SYN3: variants seen among roughly 807,000 people sequenced by gnomAD.
The protein encoded by SYN3 is synapsin III.
SYN3 carries 35 observed loss-of-function variants against 65.8 expected under a neutral mutation model. That is an observed-to-expected ratio of 0.53 (90% CI 0.41 to 0.70). The LOEUF (loss-of-function observed/expected upper bound fraction) is 0.70. Among genes scored for constraint, SYN3 ranks in the 30% least tolerant of loss-of-function variants. The pLI, the probability that SYN3 is intolerant of heterozygous loss-of-function variation, is 0.00. For missense variants in SYN3, 680 were observed against 749.0 expected (o/e 0.91, Z 1.08); for synonymous variants, 270 against 292.9 (o/e 0.92, Z 0.80).
intron 6 of SYN3, among the ~76,000 whole-genome samples, chr22:32,655,594 C>T (rs922234659): frequency 6.6e-6 from 1 of 152,092 alleles, no homozygotes; most frequent in Non-Finnish European, 1.5e-5. Context: ...CTCATAGGAG[C>T]GTGGACCCTA....
chr22:32,681,627 G>A (rs2060523989), intron 6 of SYN3, among the ~76,000 whole-genome samples: 1 of 152,194 alleles, frequency 6.6e-6, no homozygotes, highest in African/African-American at 2.4e-5. Flanking sequence ...CTATTTGGCT[G>A]TTGCAGCTGC....
chr22:32,825,976 T>C (rs1272412428), intron 6 of SYN3, among the ~76,000 whole-genome samples: 1 of 152,200 alleles, frequency 6.6e-6, no homozygotes, highest in South Asian at 2.1e-4. Flanking sequence ...TATAGTAGCA[T>C]AGGGAAAAGT....
At chr22:32,571,982 A>G (rs897349267) in intron 7 of SYN3, among the ~76,000 whole-genome samples, 2 of 152,008 alleles carry the variant, frequency 1.3e-5, no homozygotes, top group African/African-American at 4.8e-5. Context: ...CCAGAAGAGG[A>G]AACTGCAGAT....
At chr22:32,633,148 G>T (rs561212520) in intron 6 of SYN3, among the ~76,000 whole-genome samples, 14 of 152,350 alleles carry the variant, frequency 9.2e-5, no homozygotes, top group African/African-American at 3.4e-4. Context: ...GGGATTTGAC[G>T]TCATGTACGG....
intron 6 of SYN3, among the ~76,000 whole-genome samples, chr22:32,669,809 G>A (rs934630568): frequency 1.6e-4 from 24 of 152,188 alleles, no homozygotes; most frequent in African/African-American, 5.5e-4. Context: ...CCTTAAAGGG[G>A]AGCTGACACA....
chr22:32,770,080 C>A (rs1400270340), intron 6 of SYN3, among the ~76,000 whole-genome samples: 1 of 152,200 alleles, frequency 6.6e-6, no homozygotes, highest in African/African-American at 2.4e-5. Context: ...CAGTTGATGG[C>A]AGCTCCTTTC....
chr22:32,695,879 G>A (rs1028353504), intron 6 of SYN3, among the ~76,000 whole-genome samples: 1 of 151,888 alleles, frequency 6.6e-6, no homozygotes, highest in East Asian at 1.9e-4. Context: ...TCAGCCTTTA[G>A]GGATCTTTTA....
Position 32,645,450 on chromosome 22 carries a change from T to TAAA in SYN3, c.712-48715_712-48714insTTT, listed in dbSNP as rs766482210. On this transcript the variant is annotated intron_variant, in intron 6 of 13. Coordinates refer to ENST00000358763, the MANE Select transcript of SYN3 (RefSeq NM_003490.4). ...TGGGCAACAAGAGCGAAACTCCGTC[T>TAAA]GAAAAAAAAAAAAAGCTAAGGGCCC... 4.0e-3 allele frequency among the ~76,000 whole-genome samples: 452 copies of TAAA among 111,770 alleles called. 5 individuals are homozygous for TAAA. Among genetic ancestry groups the TAAA allele is most frequent in the East Asian group, 0.04 (202 of 5,022 alleles). 73.3% of individuals were successfully genotyped at this position (111,770 alleles called of 152,430 possible).
chr22:32,595,174 A>T (rs2059182052), intron 7 of SYN3, among the ~76,000 whole-genome samples: 1 of 152,208 alleles, frequency 6.6e-6, no homozygotes, highest in Non-Finnish European at 1.5e-5. Context: ...GAGGCCAAGT[A>T]CATTGATCCA....
intron 6 of SYN3, among the ~76,000 whole-genome samples, chr22:32,845,609 A>G (rs1569270973): frequency 6.6e-6 from 1 of 152,040 alleles, no homozygotes; most frequent in African/African-American, 2.4e-5. Context: ...CCAGACACCA[A>G]CCTAGTTCAT....
intron 6 of SYN3, among the ~76,000 whole-genome samples, chr22:32,724,165 T>C (rs2061157878): frequency 6.6e-6 from 1 of 152,250 alleles, no homozygotes; most frequent in African/African-American, 2.4e-5. Context: ...TTCTAGCACC[T>C]AAGCCAATGC....
At chr22:32,831,917 T>C (rs2047585312) in intron 6 of SYN3, among the ~76,000 whole-genome samples, 1 of 152,118 alleles carries the variant, frequency 6.6e-6, no homozygotes, top group Admixed American at 6.5e-5. Context: ...GGCACTAAAA[T>C]TGAGGCAAGG....
chr22:32,954,493 C>T (rs964222707), intron 3 of SYN3, among the ~76,000 whole-genome samples: 4 of 152,258 alleles, frequency 2.6e-5, no homozygotes, highest in Admixed American at 6.5e-5. Flanking sequence ...TTGACATTTA[C>T]GTCCCATTGC....
chr22:32,780,851 G>C (rs369431114), intron 6 of SYN3, among the ~76,000 whole-genome samples: 1 of 151,950 alleles, frequency 6.6e-6, no homozygotes, highest in Admixed American at 6.6e-5. Context: ...AGTACCCAGC[G>C]TAATAAGCAC....
intron 2 of SYN3, among the ~76,000 whole-genome samples, chr22:33,005,037 C>A (rs1170968656): frequency 6.6e-6 from 1 of 152,180 alleles, no homozygotes; most frequent in Non-Finnish European, 1.5e-5. Context: ...CTTCCCCCTT[C>A]ACCTGGCACT....
intron 1 of SYN3, among the ~76,000 whole-genome samples, chr22:33,013,104 A>C (rs912725584): frequency 6.6e-6 from 1 of 152,176 alleles, no homozygotes; most frequent in East Asian, 1.9e-4. Flanking sequence ...CTTAGAGTTT[A>C]TTTAACAATT....
chr22:32,663,360 G>T (rs1299140285), intron 6 of SYN3, among the ~76,000 whole-genome samples: 12 of 148,998 alleles, frequency 8.1e-5, no homozygotes, highest in African/African-American at 3.0e-4. Flanking sequence ...GTGCAGTGGC[G>T]CCATCTTGGC....
intron 6 of SYN3, among the ~76,000 whole-genome samples, chr22:32,603,336 T>C (rs1332233478): frequency 2.2e-5 from 3 of 136,440 alleles, no homozygotes; most frequent in East Asian, 4.4e-4. Context: ...CATGGTGAAA[T>C]CCCATCTCTA....
chr22:33,056,083 T>C (rs888422732), intron 1 of SYN3, among the ~76,000 whole-genome samples: 13 of 152,182 alleles, frequency 8.5e-5, no homozygotes, highest in Middle Eastern at 3.4e-3. Context: ...TACTATAAAA[T>C]GAGAATAAAA....
Sources: allele counts gnomAD v4.1 joint callset (sites outside exome capture counted in the v4.1 genomes callset), GRCh38; gene constraint gnomAD v4.1.1; transcripts MANE v1.5; gene names NCBI Gene and HGNC (gene_info 2026-07-23, HGNC 2026-07-21).